Variants in ENTREP2 observed in about 807,000 individuals in gnomAD.
The protein encoded by ENTREP2 is endosomal transmembrane epsin interactor 2.
the ENTREP2 span, among the ~76,000 whole-genome samples, chr15:29,217,125 T>C: frequency 6.6e-6 from 1 of 152,128 alleles, no homozygotes; most frequent in Non-Finnish European, 1.5e-5. Context: ...AATTACAAGG[T>C]GATAGGCCCG....
chr15:29,577,566 T>C, the ENTREP2 span, among the ~76,000 whole-genome samples: 2 of 152,048 alleles, frequency 1.3e-5, no homozygotes, highest in African/African-American at 4.8e-5. Flanking sequence ...GTTGCCCCAG[T>C]TGGTCTCAAA....
At chr15:29,301,337 T>G in the ENTREP2 span, among the ~76,000 whole-genome samples, 2 of 152,224 alleles carry the variant, frequency 1.3e-5, no homozygotes, top group Non-Finnish European at 2.9e-5. Flanking sequence ...AAGGATTAGA[T>G]AATGTTCAAT....
the ENTREP2 span, among the ~76,000 whole-genome samples, chr15:29,623,201 T>C: frequency 6.6e-6 from 1 of 152,132 alleles, no homozygotes; most frequent in African/African-American, 2.4e-5. Context: ...CCCCTGACAA[T>C]GTTTCTCAAC....
chr15:29,328,650 T>C, the ENTREP2 span, among the ~76,000 whole-genome samples: 2,070 of 152,324 alleles, frequency 0.014, 40 homozygotes, highest in Admixed American at 0.043. Flanking sequence ...TGGTTAATAG[T>C]TCTGATACCA....
At chr15:29,368,403 C>A in the ENTREP2 span, among the ~76,000 whole-genome samples, 1 of 151,302 alleles carries the variant, frequency 6.6e-6, no homozygotes, top group African/African-American at 2.4e-5. Context: ...CACACATACA[C>A]ACACACACAT....
the ENTREP2 span, among the ~76,000 whole-genome samples, chr15:29,330,234 G>A: frequency 6.6e-6 from 1 of 151,674 alleles, no homozygotes. Context: ...GTCAGGAGAT[G>A]GAGATCATCC....
At chr15:29,236,804 T>G in the ENTREP2 span, among the ~76,000 whole-genome samples, 3 of 151,776 alleles carry the variant, frequency 2.0e-5, no homozygotes, top group Non-Finnish European at 4.4e-5. Context: ...AAACTAGAAG[T>G]GAAGACTTCA....
chr15:29,339,098 T>C, the ENTREP2 span, among the ~76,000 whole-genome samples: 3 of 152,216 alleles, frequency 2.0e-5, no homozygotes, highest in Non-Finnish European at 4.4e-5. Flanking sequence ...TGCAAGTCCA[T>C]CACCTGCAAA....
chr15:29,360,626 C>G, the ENTREP2 span, among the ~76,000 whole-genome samples: 66,749 of 152,072 alleles, frequency 0.44, 18,203 homozygotes, highest in African/African-American at 0.78. Flanking sequence ...TCTCAGTTGA[C>G]ACATCACCCT....
the ENTREP2 span, among the ~76,000 whole-genome samples, chr15:29,565,759 A>C: frequency 6.6e-6 from 1 of 152,044 alleles, no homozygotes; most frequent in Admixed American, 6.5e-5. Context: ...GTCAGGAGAT[A>C]GAGACCATCC....
chr15:29,123,510 G>A, the ENTREP2 span: 1 of 1,551,616 alleles, frequency 6.4e-7, no homozygotes, highest in Admixed American at 2.0e-5. Flanking sequence ...CATAGGCCTT[G>A]CTGTCCACTA....
the ENTREP2 span, among the ~76,000 whole-genome samples, chr15:29,320,778 A>T: frequency 6.6e-6 from 1 of 152,256 alleles, no homozygotes; most frequent in Non-Finnish European, 1.5e-5. Flanking sequence ...GACACAGCTG[A>T]GGAAAGAAAC....
the ENTREP2 span, among the ~76,000 whole-genome samples, chr15:29,411,836 A>G: frequency 6.6e-6 from 1 of 152,198 alleles, no homozygotes; most frequent in African/African-American, 2.4e-5. Context: ...TGGATAGCCA[A>G]TGATCCCAGA....
At chr15:29,278,969 G>A in the ENTREP2 span, among the ~76,000 whole-genome samples, 2 of 152,164 alleles carry the variant, frequency 1.3e-5, no homozygotes, top group Non-Finnish European at 2.9e-5. Flanking sequence ...AGATGACCAC[G>A]TTCTCACTGT....
chr15:29,552,992 G>A, the ENTREP2 span, among the ~76,000 whole-genome samples: 1 of 152,324 alleles, frequency 6.6e-6, no homozygotes, highest in South Asian at 2.1e-4. Context: ...GCTTGGATTG[G>A]AATGTTTCAT....
the ENTREP2 span, among the ~76,000 whole-genome samples, chr15:29,157,750 G>C: frequency 2.2e-5 from 3 of 139,316 alleles, no homozygotes; most frequent in South Asian, 6.7e-4. Flanking sequence ...TTTTTTTTGA[G>C]ATGGAGTCTC....
At chr15:29,401,548 A>T in the ENTREP2 span, among the ~76,000 whole-genome samples, 1 of 152,210 alleles carries the variant, frequency 6.6e-6, no homozygotes, top group Non-Finnish European at 1.5e-5. Context: ...CCTCTTAAAC[A>T]TTTCTTATGT....
the ENTREP2 span, chr15:29,268,643 C>A: frequency 1.4e-5 from 9 of 662,196 alleles, no homozygotes; most frequent in Admixed American, 3.7e-5. Flanking sequence ...ATTAAAAAAA[C>A]AAAACTTTGC....
At chr15:29,376,685 G>A in the ENTREP2 span, 1 of 152,028 alleles carries the variant, frequency 6.6e-6, no homozygotes, top group Non-Finnish European at 1.5e-5. Flanking sequence ...CCCTCTCTTT[G>A]CCCTCCCGCA....
Sources: allele counts gnomAD v4.1 joint callset (sites outside exome capture counted in the v4.1 genomes callset), GRCh38; gene constraint gnomAD v4.1.1; transcripts MANE v1.5; gene names NCBI Gene and HGNC (gene_info 2026-07-23, HGNC 2026-07-21).